CCDC136: variants seen among roughly 807,000 people sequenced by gnomAD.
CCDC136 encodes the protein coiled-coil domain-containing protein 136.
A neutral mutation model predicts 141.2 loss-of-function variants in CCDC136; 100 were observed. The ratio of observed to expected loss-of-function variants is 0.71; its 90% confidence interval spans 0.60 to 0.84. CCDC136 has a LOEUF of 0.84. Ranked by LOEUF, CCDC136 falls within the 40% of genes least tolerant of loss-of-function variation. The pLI is 0.00. For missense variants in CCDC136, 1,206 were observed against 1,379.4 expected, an observed-to-expected ratio of 0.87 and a Z score of 1.99; for synonymous variants, 474 against 531.9, an observed-to-expected ratio of 0.89 and a Z score of 1.50.
intron 4 of CCDC136, 52 bp downstream of exon 4, chr7:128,801,561 A>G: frequency 1.5e-5 from 19 of 1,253,568 alleles, no homozygotes; most frequent in Non-Finnish European, 2.1e-5. Context: ...AAAGGAGATA[A>G]TATATAGGAA....
chr7:128,796,739 A>ATTTTTTTTT (rs1554377202), intron 3 of CCDC136, among the ~76,000 whole-genome samples: 1 of 113,384 alleles, frequency 8.8e-6, no homozygotes, highest in East Asian at 3.6e-4. Context: ...ATATATATAT[A>ATTTTTTTTT]TTCTTTTTTT....
In CCDC136 at chr7:128,794,164, C is replaced by T. The variant is rs1802602699; in HGVS notation, c.17-184C>T. 1 of 768,084 alleles carries T rather than the reference C, an allele frequency of 1.3e-6. No individual in the cohort carries two copies. The highest frequency in any genetic ancestry group is 2.0e-5 in the Admixed American group (1 of 49,116). 47.6% of individuals were successfully genotyped at this position (768,084 alleles called of 1,614,324 possible). ...GGCCTGGGAGGTGGAGGGGCTGCTT[C>T]TCAACTTGACTCTCACACCTGAGGA... On this transcript the variant is annotated intron_variant, in intron 1 of 17. Coordinates refer to ENST00000297788, the MANE Select transcript of CCDC136 (RefSeq NM_022742.5). The surrounding 1 kb of genome is among the most constrained non-coding windows in gnomAD (Gnocchi z 4.3).
intron 10 of CCDC136, chr7:128,808,683 C>T (rs1386284127): frequency 1.0e-6 from 1 of 985,256 alleles, no homozygotes; most frequent in Non-Finnish European, 1.2e-6. Flanking sequence ...GTTATTTGGG[C>T]CACCTCAGCA....
At chr7:128,800,210 T>C (rs895181407) in intron 3 of CCDC136, among the ~76,000 whole-genome samples, 3 of 152,228 alleles carry the variant, frequency 2.0e-5, no homozygotes, top group Non-Finnish European at 2.9e-5. Flanking sequence ...TGGAAACTTC[T>C]TTGTTTTCAC....
At chr7:128,808,361 A>G (rs2128913394) in intron 10 of CCDC136, 2 of 529,982 alleles carry the variant, frequency 3.8e-6, no homozygotes, top group Non-Finnish European at 4.8e-6. Flanking sequence ...GGAAGGTTGA[A>G]TTGTGCCCTC....
chr7:128,814,996 T>C, intron 15 of CCDC136, 77 bp downstream of exon 15: 1 of 1,233,906 alleles, frequency 8.1e-7, no homozygotes, highest in Non-Finnish European at 1.1e-6. Flanking sequence ...TCCACAACCC[T>C]TTCAACCAGG....
At chr7:128,818,657 G>T (rs867445481) in intron 17 of CCDC136, among the ~76,000 whole-genome samples, 1 of 152,220 alleles carries the variant, frequency 6.6e-6, no homozygotes, top group Non-Finnish European at 1.5e-5. Context: ...AGAGATGTGT[G>T]TTCTCAGGAA....
At chr7:128,813,688 AAAG>A (rs1806122301) in intron 14 of CCDC136, among the ~76,000 whole-genome samples, 3 of 152,166 alleles carry the variant, frequency 2.0e-5, no homozygotes, top group African/African-American at 7.2e-5. Flanking sequence ...GTTCCCATAA[AAAG>A]AATTCTAGGC....
chr7:128,809,423 C>G (rs1392509835), intron 10 of CCDC136, 27 bp from the exon 11 acceptor site: 2 of 1,435,128 alleles, frequency 1.4e-6, no homozygotes, highest in South Asian at 2.5e-5. Flanking sequence ...GAGTAACCAC[C>G]CCCTCCACAC....
chr7:128,804,848 G>A, intron 5 of CCDC136, 87 bp downstream of exon 5: 1 of 795,058 alleles, frequency 1.3e-6, no homozygotes, highest in East Asian at 2.7e-5. Context: ...AGATGCCAGG[G>A]CAGTGAGCGT....
chr7:128,809,091 G>C (rs1805303990), intron 10 of CCDC136: 2 of 480,050 alleles, frequency 4.2e-6, no homozygotes, highest in African/African-American at 2.1e-5. Context: ...GGAGCTAAGA[G>C]TTCCCAACAG....
rs1302970418 is a variant in CCDC136, at chr7:128,817,954, T to G, written c.*5+90T>G. On this transcript the variant is annotated intron_variant, in intron 17 of 17. Transcript: ENST00000297788. The surrounding 1 kb of genome is among the most constrained non-coding windows in gnomAD (Gnocchi z 4.6). ...CTCTTTCCCTTTTCTCCCAGCTGCT[T>G]GCTTCTTGCTTGTGCCATTTTATAA... is the stretch of plus-strand genomic sequence containing the variant. The G allele has an allele frequency of 5.2e-6, 5 of 952,948 alleles. No individual in the cohort carries two copies. The highest frequency in any genetic ancestry group is 2.1e-5 in the Admixed American group (1 of 47,414). The allele number at this position is 952,948 out of a possible 1,614,324, so 59.0% of individuals were successfully genotyped here. A position where few individuals can be genotyped will look rare whatever the true frequency, so the allele number is the denominator to read the frequency against.
In CCDC136 at chr7:128,812,736, T is replaced by A; in HGVS notation, c.2570T>A (p.Leu857Gln). ...ERFEEMVVKV[L>Q]IKLQAVQAMY... ...TTTGAGGAAATGGTTGTGAAAGTGC[T>A]GATCAAGCTGCAGGCGGTGCAGGCC... Residue 857 changes from leucine (L) to glutamine (Q), a missense_variant, in exon 14 of 18, where the codon CTG (leucine) becomes CAG (glutamine). Coordinates refer to ENST00000297788, the MANE Select transcript of CCDC136 (RefSeq NM_022742.5). The A allele has an allele frequency of 6.2e-7, 1 of 1,613,362 alleles. No homozygotes were observed. The highest frequency in any genetic ancestry group is 8.5e-7 in the Non-Finnish European group (1 of 1,179,796).
In CCDC136 at chr7:128,812,911, C is replaced by T; in HGVS notation, c.2745C>T (p.Pro915=). 2.5e-6 allele frequency: 4 copies of T among 1,608,320 alleles called. No individual in the cohort carries two copies. The highest frequency in any genetic ancestry group is 3.4e-6 in the Non-Finnish European group (4 of 1,177,420). ...CMECLEKPMA[P]QNDKNEIKEL... is the part of the protein sequence containing the mutation. ...AATGCCTTGAAAAGCCCATGGCCCC[C>T]CAGAACGACAAGAATGAGGTAACCA... The change falls in exon 14 of 18, where the codon CCC becomes CCT. Residue 915 remains proline, a synonymous_variant. Coordinates refer to ENST00000297788, the MANE Select transcript of CCDC136 (RefSeq NM_022742.5).
At chr7:128,813,063 A>G in intron 14 of CCDC136, 134 bp downstream of exon 14, 1 of 640,010 alleles carries the variant, frequency 1.6e-6, no homozygotes. Flanking sequence ...AGTCTGCTCC[A>G]TCCCTGATGA....
At chr7:128,810,786 T>C (rs1193718816) in intron 12 of CCDC136, among the ~76,000 whole-genome samples, 2 of 152,252 alleles carry the variant, frequency 1.3e-5, no homozygotes, top group African/African-American at 2.4e-5. Flanking sequence ...TTCTCAGTTA[T>C]CAAAATCTAT....
At position 128,821,983 on chromosome 7, in the gene CCDC136, C is replaced by T. The variant is rs1007315439; in HGVS notation, c.*190C>T. 4 of 1,277,682 alleles carry T rather than the reference C, an allele frequency of 3.1e-6. No homozygotes were observed. The highest frequency in any genetic ancestry group is 2.3e-5 in the Admixed American group (1 of 43,004). The allele number at this position is 1,277,682 out of a possible 1,614,324, so 79.1% of individuals were successfully genotyped here. Reference sequence around the variant, plus strand: ...TCAGCTTTGGGCAGGACACACTGTGCCAGAACCCTCCCCATATGTTCCATG... The same window carrying T: ...TCAGCTTTGGGCAGGACACACTGTGTCAGAACCCTCCCCATATGTTCCATG... On this transcript the variant is annotated 3_prime_UTR_variant, in exon 18 of 18. Coordinates refer to ENST00000297788, the MANE Select transcript of CCDC136 (RefSeq NM_022742.5). The surrounding 1 kb of genome is among the most constrained non-coding windows in gnomAD (Gnocchi z 5.1).
intron 12 of CCDC136, 26 bp from the exon 13 acceptor site, chr7:128,811,774 T>C: frequency 6.5e-7 from 1 of 1,539,844 alleles, no homozygotes; most frequent in South Asian, 1.3e-5. Context: ...AGAGTAATGA[T>C]ACTGTCTCCC....
In CCDC136 at chr7:128,809,566, G is replaced by A. The variant is rs1262548871; in HGVS notation, c.1722G>A (p.Met574Ile). 1.3e-6 allele frequency: 2 copies of A among 1,567,006 alleles called. No individual in the cohort carries two copies. Among genetic ancestry groups the A allele is most frequent in the East Asian group, 2.4e-5 (1 of 42,492 alleles). Residue 574 changes from methionine to isoleucine, a missense_variant, in exon 11 of 18, where the codon ATG becomes ATA. Coordinates refer to ENST00000297788, the MANE Select transcript of CCDC136 (RefSeq NM_022742.5). ...AGCTCCTGGAGGATCAGAGGAGGATGCAGGAGGAGCAGGGCCAGCTGCAGG... is the reference window on the plus strand; with the variant it reads ...AGCTCCTGGAGGATCAGAGGAGGATACAGGAGGAGCAGGGCCAGCTGCAGG... ...QCELLEDQRRMQEEQGQLQEE... is the reference protein window; with the variant it reads ...QCELLEDQRRIQEEQGQLQEE...
Sources: allele counts gnomAD v4.1 joint callset (sites outside exome capture counted in the v4.1 genomes callset), GRCh38; gene constraint gnomAD v4.1.1; non-coding constraint Gnocchi (gnomAD v3.1); transcripts MANE v1.5; gene names NCBI Gene and HGNC (gene_info 2026-07-23, HGNC 2026-07-21).